Variants in BRCC3 observed in about 807,000 individuals in gnomAD.
BRCC3 encodes the protein lys-63-specific deubiquitinase BRCC36.
Under a neutral mutation model 28.0 loss-of-function variants are expected in BRCC3, and 15 were observed. That is an observed-to-expected ratio of 0.54 (90% confidence interval 0.36 to 0.82). The LOEUF (loss-of-function observed/expected upper bound fraction) is 0.82, where lower values mean the gene tolerates loss of function less well. Ranked by LOEUF, BRCC3 falls within the 40% of genes least tolerant of loss-of-function variation. The pLI is 0.01. For synonymous variants in BRCC3, 66 were observed against 80.3 expected, an observed-to-expected ratio of 0.82 and a Z score of 0.95; for missense variants, 109 against 225.9, an observed-to-expected ratio of 0.48 and a Z score of 3.32.
chrX:155,077,124 T>C (rs1557293725), intron 3 of BRCC3, 46 bp from the exon 4 acceptor site: 1 of 1,103,622 alleles, frequency 9.1e-7, no homozygotes, highest in South Asian at 2.0e-5. Flanking sequence ...GGGGATGTGT[T>C]ATTGGAGAGA....
intron 5 of BRCC3, among the ~76,000 whole-genome samples, chrX:155,081,705 G>A (rs981474880): frequency 8.9e-6 from 1 of 111,982 alleles, no homozygotes; most frequent in Admixed American, 9.5e-5. Flanking sequence ...GGAGAGTGAC[G>A]TGACCATTTC....
intron 7 of BRCC3, among the ~76,000 whole-genome samples, chrX:155,105,428 A>G (rs1289717181): frequency 8.9e-6 from 1 of 111,756 alleles, no homozygotes; most frequent in Non-Finnish European, 1.9e-5. Flanking sequence ...GGTTGCAGTG[A>G]GCCGAGATTG....
intron 7 of BRCC3, among the ~76,000 whole-genome samples, chrX:155,094,760 A>T (rs1318680468): frequency 3.6e-5 from 4 of 111,941 alleles, no homozygotes; most frequent in African/African-American, 1.3e-4. Flanking sequence ...GGAAAATTGA[A>T]CCTGAACCTA....
chrX:155,084,890 A>C (rs2074110936), intron 5 of BRCC3, among the ~76,000 whole-genome samples: 1 of 111,362 alleles, frequency 9.0e-6, no homozygotes, highest in Admixed American at 9.5e-5. Context: ...GGAACCCTTG[A>C]GCTCAGGAGT....
chrX:155,105,265 T>G (rs1333344351), intron 7 of BRCC3, among the ~76,000 whole-genome samples: 1 of 111,596 alleles, frequency 9.0e-6, no homozygotes, highest in Admixed American at 9.4e-5. Context: ...CGTGGATCAC[T>G]TGAGGTCAGG....
At chrX:155,079,809 G>A (rs1417054322) in intron 5 of BRCC3, among the ~76,000 whole-genome samples, 1 of 110,972 alleles carries the variant, frequency 9.0e-6, no homozygotes. Flanking sequence ...ATGTATATAC[G>A]TGTGTGTGTC....
At chrX:155,084,695 G>A (rs1353583315) in intron 5 of BRCC3, among the ~76,000 whole-genome samples, 1 of 112,283 alleles carries the variant, frequency 8.9e-6, no homozygotes, top group African/African-American at 3.2e-5. Context: ...GATAGGCCAG[G>A]TGTAGTGGCT....
chrX:155,110,694 A>G (rs1287726891), intron 7 of BRCC3, among the ~76,000 whole-genome samples: 2 of 109,681 alleles, frequency 1.8e-5, no homozygotes, highest in Non-Finnish European at 3.8e-5. Context: ...CTTCAGTTCA[A>G]AGTATTTCCC....
At chrX:155,095,359 G>A (rs930797059) in intron 7 of BRCC3, among the ~76,000 whole-genome samples, 1 of 111,007 alleles carries the variant, frequency 9.0e-6, no homozygotes, top group Non-Finnish European at 1.9e-5. Flanking sequence ...GGAGTACAAC[G>A]GCAGGATCTA....
intron 7 of BRCC3, among the ~76,000 whole-genome samples, chrX:155,101,361 A>G (rs1342813511): frequency 8.9e-6 from 1 of 111,810 alleles, no homozygotes; most frequent in East Asian, 2.8e-4. Flanking sequence ...CCAATCCCCA[A>G]CAGCTACGAA....
At chrX:155,112,715 T>C (rs1457210446) in intron 7 of BRCC3, among the ~76,000 whole-genome samples, 1 of 112,514 alleles carries the variant, frequency 8.9e-6, no homozygotes, top group Non-Finnish European at 1.9e-5. Context: ...GAAAGGAAGA[T>C]GTAAGTTTAT....
chrX:155,092,852 C>T (rs1237197258), intron 7 of BRCC3, among the ~76,000 whole-genome samples: 1 of 109,631 alleles, frequency 9.1e-6, no homozygotes, highest in Non-Finnish European at 1.9e-5. Flanking sequence ...GGAAAAGACT[C>T]TCTAGTAACT....
At chrX:155,087,702 G>A (rs1018537422) in intron 5 of BRCC3, among the ~76,000 whole-genome samples, 7 of 111,938 alleles carry the variant, frequency 6.3e-5, no homozygotes, top group Non-Finnish European at 1.3e-4. Context: ...AGTTAGAGAC[G>A]AGTAGGAAGA....
At chrX:155,099,478 C>A in intron 7 of BRCC3, 1 of 1,122,238 alleles carries the variant, frequency 8.9e-7, no homozygotes, top group Non-Finnish European at 1.2e-6. Flanking sequence ...ATTCCACTTC[C>A]ATCTCACTGG....
intron 7 of BRCC3, among the ~76,000 whole-genome samples, chrX:155,095,021 T>G (rs1168452578): frequency 8.9e-6 from 1 of 112,246 alleles, no homozygotes; most frequent in Non-Finnish European, 1.9e-5. Context: ...TGAAATACTT[T>G]CAGATTTTAG....
chrX:155,073,552 CAGATGA>C, intron 3 of BRCC3, 121 bp downstream of exon 3: 1 of 838,894 alleles, frequency 1.2e-6, no homozygotes, highest in Non-Finnish European at 1.7e-6. Context: ...CTAGTAAAAT[CAGATGA>C]AGAATCTACT....
At position 155,078,678 on chromosome X, in the gene BRCC3, T is replaced by C; in HGVS notation, c.378T>C (p.His126=). The C allele has an allele frequency of 8.4e-7, 1 of 1,195,450 alleles. No homozygotes were observed. The highest frequency in any genetic ancestry group is 1.1e-6 in the Non-Finnish European group (1 of 885,245). ...RVVGWYHSHP[H]ITVWPSHVDV... The stretch of plus-strand genomic sequence containing the variant: ...TGGGCTGGTATCATTCCCATCCTCA[T>C]ATAACTGTTTGGCCTTCACATGTTG... The change falls in exon 5 of 11, where the codon CAT becomes CAC. Residue 126 remains histidine, a synonymous_variant. Transcript: ENST00000330045.
At position 155,077,127 on chromosome X, in the gene BRCC3, T is replaced by C. The variant is rs782460735; in HGVS notation, c.196-43T>C. The C allele has an allele frequency of 5.7e-5, 63 of 1,105,836 alleles. 1 individual carries two copies. The South Asian group carries it at 1.2e-3, about 21-fold the overall frequency. The allele number at this position is 1,105,836 out of a possible 1,213,427, so 91.1% of individuals were successfully genotyped here. On this transcript the variant is annotated intron_variant, in intron 3 of 10. Transcript: ENST00000330045. ...CTATAGTTGAAGGGGGATGTGTTATTGGAGAGAGCTGTAAGTAACCATTTC... is the reference window on the plus strand; with the variant it reads ...CTATAGTTGAAGGGGGATGTGTTATCGGAGAGAGCTGTAAGTAACCATTTC...
intron 7 of BRCC3, among the ~76,000 whole-genome samples, chrX:155,099,157 A>T (rs2074229973): frequency 9.1e-6 from 1 of 109,519 alleles, no homozygotes; most frequent in Non-Finnish European, 1.9e-5. Context: ...TAGAAAAAAA[A>T]ATTTAAATAA....
Sources: gnomAD v4.1 joint callset for allele counts (sites outside exome capture counted in the v4.1 genomes callset) on GRCh38, gnomAD v4.1.1 for gene constraint, MANE v1.5 for transcripts, NCBI Gene and HGNC (gene_info 2026-07-23, HGNC 2026-07-21) for gene names.